Variants in PHACTR1 observed in about 807,000 individuals in gnomAD.
PHACTR1 encodes the protein RPEL repeat containing 1.
Under a neutral mutation model 69.2 loss-of-function variants are expected in PHACTR1, and 16 were observed. That is an observed-to-expected ratio of 0.23 (90% CI 0.16 to 0.35). PHACTR1 has a LOEUF of 0.35. Ranked by LOEUF, PHACTR1 falls within the 10% of genes least tolerant of loss-of-function variation. The pLI is 1.00. For synonymous variants in PHACTR1, 312 were observed against 284.5 expected (o/e 1.10, Z -0.97); for missense variants, 510 against 734.7 (o/e 0.69, Z 3.54).
At chr6:12,719,044 G>C (rs1042144311) in intron 3 of PHACTR1, among the ~76,000 whole-genome samples, 197 bp downstream of exon 3, 1 of 152,148 alleles carries the variant, frequency 6.6e-6, no homozygotes, top group African/African-American at 2.4e-5. Context: ...CTTGGATGTG[G>C]TTAAAAAAAT....
At chr6:13,036,243 C>T (rs2127702150) in intron 4 of PHACTR1, among the ~76,000 whole-genome samples, 1 of 152,252 alleles carries the variant, frequency 6.6e-6, no homozygotes, top group South Asian at 2.1e-4. Context: ...CTTCCAAATC[C>T]TATCCCTATG....
chr6:13,161,487 G>A (rs1189553888), intron 6 of PHACTR1, among the ~76,000 whole-genome samples: 1 of 151,952 alleles, frequency 6.6e-6, no homozygotes, highest in East Asian at 1.9e-4. Flanking sequence ...TCTTCTGATT[G>A]TTTCATGCAG....
At chr6:12,906,514 T>A (rs1017315003) in intron 4 of PHACTR1, among the ~76,000 whole-genome samples, 1 of 152,164 alleles carries the variant, frequency 6.6e-6, no homozygotes, top group Non-Finnish European at 1.5e-5. Flanking sequence ...CAATGCAGAG[T>A]ATGAAATCAG....
In PHACTR1 at chr6:12,974,607, T is replaced by A. The variant is rs138993536; in HGVS notation, c.251-78758T>A. 4.1e-3 allele frequency among the ~76,000 whole-genome samples: 620 copies of A among 152,294 alleles called. 8 individuals carry two copies. Among genetic ancestry groups the A allele is most frequent in the African/African-American group, 0.015 (603 of 41,554 alleles). The stretch of plus-strand genomic sequence containing the variant: ...AATAAAAATCAATTCACCAACATTT[T>A]CTAATTGGGTGAAAACTCAATTGGG... On this transcript the variant is annotated intron_variant, in intron 4 of 14. Transcript: ENST00000332995.
intron 5 of PHACTR1, among the ~76,000 whole-genome samples, chr6:13,100,221 A>G (rs1235966954): frequency 6.6e-6 from 1 of 152,252 alleles, no homozygotes; most frequent in Non-Finnish European, 1.5e-5. Flanking sequence ...TAAAGACCCC[A>G]AGAAACAGGT....
intron 10 of PHACTR1, among the ~76,000 whole-genome samples, chr6:13,242,035 C>CAA (rs747990237): frequency 3.4e-4 from 20 of 58,548 alleles, no homozygotes; most frequent in Non-Finnish European, 4.3e-4. Context: ...GATTCTGTCT[C>CAA]AAAAAAAAAA....
At chr6:12,959,798 A>G (rs369012793) in intron 4 of PHACTR1, among the ~76,000 whole-genome samples, 5 of 152,238 alleles carry the variant, frequency 3.3e-5, no homozygotes, top group African/African-American at 1.2e-4. Context: ...ATTGCCTTCC[A>G]CTCTAATTCT....
intron 8 of PHACTR1, among the ~76,000 whole-genome samples, chr6:13,218,841 A>C (rs1768096262): frequency 6.9e-6 from 1 of 144,524 alleles, no homozygotes; most frequent in Non-Finnish European, 1.5e-5. Flanking sequence ...AAAGAGGAGG[A>C]GGAGGAGGAG....
chr6:12,909,098 C>T (rs1481050662), intron 4 of PHACTR1, among the ~76,000 whole-genome samples: 1 of 152,148 alleles, frequency 6.6e-6, no homozygotes, highest in African/African-American at 2.4e-5. Flanking sequence ...GTCTCCAGGA[C>T]TCCTCAGTAC....
Position 13,283,582 on chromosome 6 carries a change from G to A in PHACTR1, c.1650+20G>A, listed in dbSNP as rs1780783560. ...GACAAAGTAAGCAGAGGGGAGTGCTGGAGAGTGGGAGGCAGGACCGTCTGC... is the reference window on the plus strand; with the variant it reads ...GACAAAGTAAGCAGAGGGGAGTGCTAGAGAGTGGGAGGCAGGACCGTCTGC... On this transcript the variant is annotated intron_variant, in intron 13 of 14. Transcript: ENST00000332995. This position sits in a 1 kb window ranked among gnomAD's most constrained non-coding sequence, Gnocchi z 4.7. 6.2e-7 allele frequency: 1 copy of A among 1,613,584 alleles called. No homozygotes were observed. The highest frequency in any genetic ancestry group is 1.7e-5 in the Admixed American group (1 of 60,004).
At chr6:12,982,808 C>T (rs1795680861) in intron 4 of PHACTR1, among the ~76,000 whole-genome samples, 1 of 152,314 alleles carries the variant, frequency 6.6e-6, no homozygotes, top group African/African-American at 2.4e-5. Context: ...CCTCTGTTTG[C>T]TCATCCATCC....
chr6:13,020,647 T>G (rs1409595276), intron 4 of PHACTR1, among the ~76,000 whole-genome samples: 2 of 152,018 alleles, frequency 1.3e-5, no homozygotes, highest in African/African-American at 4.8e-5. Context: ...TAGAGAAAGG[T>G]CAAGAGGCCA....
intron 4 of PHACTR1, among the ~76,000 whole-genome samples, chr6:12,925,195 A>T (rs548523484): frequency 6.6e-6 from 1 of 152,368 alleles, no homozygotes; most frequent in South Asian, 2.1e-4. Context: ...ATCTCCCAAC[A>T]ACTCCAACAA....
intron 5 of PHACTR1, among the ~76,000 whole-genome samples, chr6:13,059,458 T>TCACACA (rs57652223): frequency 4.2e-4 from 62 of 148,248 alleles, no homozygotes; most frequent in Admixed American, 1.9e-3. Context: ...AATGTTCTTA[T>TCACACA]CACACACACA....
rs148295844 is a variant in PHACTR1, at chr6:12,818,865, GT to G, written c.250+69078del. Among the ~76,000 whole-genome samples, 133 of 152,268 alleles carry G rather than the reference GT, an allele frequency of 8.7e-4. 1 individual carries two copies. Among genetic ancestry groups the G allele is most frequent in the Non-Finnish European group, 1.6e-3 (112 of 68,018 alleles). Reference sequence around the variant, plus strand: ...CATACAAGTCAGCTTCCTTTTTACTGTTTGGAAATCTGTTGGAAAGTACAGC... The same window carrying G: ...CATACAAGTCAGCTTCCTTTTTACTGTTGGAAATCTGTTGGAAAGTACAGC... On this transcript the variant is annotated intron_variant, in intron 4 of 14. Transcript: ENST00000332995.
intron 4 of PHACTR1, among the ~76,000 whole-genome samples, chr6:13,045,872 A>G (rs1561744683): frequency 6.6e-6 from 1 of 152,230 alleles, no homozygotes; most frequent in Non-Finnish European, 1.5e-5. Flanking sequence ...AACTCTGTAG[A>G]AGCCAGAGAC....
intron 10 of PHACTR1, among the ~76,000 whole-genome samples, chr6:13,238,940 T>C (rs888011323): frequency 6.6e-6 from 1 of 152,210 alleles, no homozygotes; most frequent in Admixed American, 6.5e-5. Flanking sequence ...GAAAATAGAC[T>C]GGAGTGAAGT....
intron 10 of PHACTR1, among the ~76,000 whole-genome samples, chr6:13,240,419 GT>G (rs550725560): frequency 1.2e-3 from 185 of 150,842 alleles, no homozygotes; most frequent in African/African-American, 4.1e-3. Flanking sequence ...TTCGTTGTGG[GT>G]TTTTTTTTGT....
chr6:13,195,779 A>AAAAAAAAAAAAAAG lies in PHACTR1; in HGVS notation c.665-10035_665-10034insAAAAAAAAAAAAGA, dbSNP rs201554952. Among the ~76,000 whole-genome samples, 68 of 118,578 alleles carry AAAAAAAAAAAAAAG rather than the reference A, an allele frequency of 5.7e-4. 2 individuals carry two copies. Among genetic ancestry groups the AAAAAAAAAAAAAAG allele is most frequent in the South Asian group, 1.4e-3 (6 of 4,346 alleles). The allele number at this position is 118,578 out of a possible 152,430, so 77.8% of individuals were successfully genotyped here. On this transcript the variant is annotated intron_variant, in intron 7 of 14. Transcript: ENST00000332995. ...TCTCAAAAAAAAAAAAAAAAAAAAA[A>AAAAAAAAAAAAAAG]AGTTCATTTGTGGTGGTAAGAAGAG...
Sources: allele counts gnomAD v4.1 joint callset (sites outside exome capture counted in the v4.1 genomes callset), GRCh38; gene constraint gnomAD v4.1.1; non-coding constraint Gnocchi (gnomAD v3.1); transcripts MANE v1.5; gene names NCBI Gene and HGNC (gene_info 2026-07-23, HGNC 2026-07-21).